GPHN: variants seen among roughly 807,000 people sequenced by gnomAD.
The protein encoded by GPHN is gephyrin.
In GPHN, 17 loss-of-function variants were observed where a neutral mutation model predicts 95.5. The ratio of observed to expected loss-of-function variants is 0.18; its 90% CI spans 0.12 to 0.27. The LOEUF (loss-of-function observed/expected upper bound fraction) is 0.27, where lower values mean the gene tolerates loss of function less well. Ranked by LOEUF, GPHN falls within the 10% of genes least tolerant of loss-of-function variation. The pLI is 1.00. For synonymous variants in GPHN, 320 were observed against 322.5 expected, an observed-to-expected ratio of 0.99 and a Z score of 0.08; for missense variants, 660 against 978.1, an observed-to-expected ratio of 0.67 and a Z score of 4.34.
the GPHN span, among the ~76,000 whole-genome samples, chr14:67,549,117 T>A: frequency 2.6e-5 from 4 of 151,904 alleles, no homozygotes; most frequent in Non-Finnish European, 5.9e-5. Context: ...CAAGGATGAG[T>A]TGGAAGTATG....
the GPHN span, among the ~76,000 whole-genome samples, chr14:67,662,179 C>CAAAA: frequency 3.2e-4 from 46 of 141,652 alleles, no homozygotes; most frequent in East Asian, 1.4e-3. Flanking sequence ...ACAACAACAA[C>CAAAA]AAAAAAAAAA....
At chr14:67,352,847 C>T in the GPHN span, 2 of 822,674 alleles carry the variant, frequency 2.4e-6, no homozygotes, top group Non-Finnish European at 3.4e-6. Flanking sequence ...AAAATAACAA[C>T]AACAAAAAAA....
the GPHN span, chr14:67,619,846 A>G: frequency 1.6e-6 from 1 of 610,210 alleles, no homozygotes. Context: ...CGGCGGGGCC[A>G]ATGTGGCGGT....
chr14:66,525,139 A>G (rs1188234706), intron 1 of GPHN, among the ~76,000 whole-genome samples: 1 of 152,172 alleles, frequency 6.6e-6, no homozygotes, highest in East Asian at 1.9e-4. Flanking sequence ...CTATTTCTCT[A>G]CATCCTCTCC....
At chr14:66,619,324 T>C (rs2153311094) in intron 1 of GPHN, among the ~76,000 whole-genome samples, 1 of 152,330 alleles carries the variant, frequency 6.6e-6, no homozygotes, top group South Asian at 2.1e-4. Flanking sequence ...AAAGTGGTTG[T>C]TCTCATTAAC....
At chr14:66,988,350 T>C (rs2071165187) in intron 9 of GPHN, among the ~76,000 whole-genome samples, 1 of 152,070 alleles carries the variant, frequency 6.6e-6, no homozygotes, top group South Asian at 2.1e-4. Flanking sequence ...ATTTTTCTAT[T>C]GGTCATGTCT....
chr14:66,812,687 A>G (rs1038753485), intron 3 of GPHN, among the ~76,000 whole-genome samples: 3 of 152,240 alleles, frequency 2.0e-5, no homozygotes, highest in Non-Finnish European at 4.4e-5. Flanking sequence ...CACCTGAGCC[A>G]GTGAAATCAT....
the GPHN span, among the ~76,000 whole-genome samples, chr14:67,289,768 CCTTTTTTTTTT>C: frequency 2.1e-5 from 2 of 95,508 alleles, no homozygotes; most frequent in Non-Finnish European, 4.3e-5. Flanking sequence ...TTTTCCATGT[CCTTTTTTTTTT>C]TTTTTTTTTT....
intron 1 of GPHN, among the ~76,000 whole-genome samples, chr14:66,591,641 C>T (rs986582557): frequency 1.3e-5 from 2 of 152,062 alleles, no homozygotes; most frequent in African/African-American, 2.4e-5. Flanking sequence ...AACCACTGCT[C>T]AAGGAAATAA....
intron 17 of GPHN, among the ~76,000 whole-genome samples, chr14:67,131,502 T>C (rs1284523047): frequency 2.0e-5 from 3 of 152,116 alleles, no homozygotes; most frequent in Non-Finnish European, 4.4e-5. Context: ...CAGGGCCCCT[T>C]CAAAGTAAGT....
intron 5 of GPHN, among the ~76,000 whole-genome samples, chr14:66,889,152 G>A (rs1275501840): frequency 6.6e-6 from 1 of 151,994 alleles, no homozygotes. Context: ...GAATAGTTGA[G>A]GAATTCAATA....
the GPHN span, among the ~76,000 whole-genome samples, chr14:67,253,931 A>G: frequency 1.3e-5 from 2 of 148,800 alleles, no homozygotes; most frequent in African/African-American, 5.0e-5. Context: ...TTGTTTACTG[A>G]TATCAGTGTG....
At chr14:67,296,094 A>G in the GPHN span, among the ~76,000 whole-genome samples, 1 of 151,890 alleles carries the variant, frequency 6.6e-6, no homozygotes, top group African/African-American at 2.4e-5. Context: ...CTGTTTTGGG[A>G]GGATGGGAAG....
chr14:66,794,884 C>CA (rs1297433782), intron 3 of GPHN, among the ~76,000 whole-genome samples: 5 of 152,112 alleles, frequency 3.3e-5, no homozygotes, highest in Non-Finnish European at 5.9e-5. Context: ...GAGAGGTATA[C>CA]AAAAATATCT....
intron 2 of GPHN, among the ~76,000 whole-genome samples, chr14:66,748,635 C>G (rs921864589): frequency 5.3e-5 from 8 of 151,882 alleles, no homozygotes; most frequent in African/African-American, 7.3e-5. Context: ...TATCCCTTAT[C>G]CAAAATGTTT....
chr14:67,491,572 A>C, the GPHN span, among the ~76,000 whole-genome samples: 1 of 152,198 alleles, frequency 6.6e-6, no homozygotes, highest in African/African-American at 2.4e-5. Context: ...GAGCTCTATG[A>C]CAGGGACCCG....
Position 66,571,263 on chromosome 14 carries a change from C to T in GPHN, c.64+62672C>T, listed in dbSNP as rs145845389. 2.0e-5 allele frequency among the ~76,000 whole-genome samples: 3 copies of T among 152,228 alleles called. No homozygotes were observed. The East Asian group carries it at 5.8e-4, about 29-fold the overall frequency. On this transcript the variant is annotated intron_variant, in intron 1 of 22. Transcript: ENST00000478722. ...AGAAAACCATCAGGCCTTATGAGAACTCACTCACTATCATGAGAACAGCAT... is the reference window on the plus strand; with the variant it reads ...AGAAAACCATCAGGCCTTATGAGAATTCACTCACTATCATGAGAACAGCAT...
At chr14:67,567,527 G>A in the GPHN span, among the ~76,000 whole-genome samples, 4 of 151,614 alleles carry the variant, frequency 2.6e-5, no homozygotes, top group East Asian at 2.0e-4. Context: ...ACTTGGGCTC[G>A]ATGTATCTGC....
In GPHN at chr14:66,773,363, T is replaced by C. The variant is rs996374269; in HGVS notation, c.144-3101T>C. Among the ~76,000 whole-genome samples, 241 of 150,884 alleles carry C rather than the reference T, an allele frequency of 1.6e-3. 1 individual carries two copies. The highest frequency in any genetic ancestry group is 5.8e-3 in the African/African-American group (237 of 40,970). On this transcript the variant is annotated intron_variant, in intron 2 of 22. Transcript: ENST00000478722. ...TGATTTGGGGAAATCTTTTTTTTTT[T>C]TTTTTTTTGAGACGGAGCCTCGCTC...
Sources: gnomAD v4.1 joint callset for allele counts (sites outside exome capture counted in the v4.1 genomes callset) on GRCh38, gnomAD v4.1.1 for gene constraint, MANE v1.5 for transcripts, NCBI Gene and HGNC (gene_info 2026-07-23, HGNC 2026-07-21) for gene names.